Variants in TEK observed in about 807,000 individuals in gnomAD.
TEK encodes the protein TEK receptor tyrosine kinase.
A neutral mutation model predicts 131.8 loss-of-function variants in TEK; 43 were observed. The ratio of observed to expected loss-of-function variants is 0.33; its 90% CI spans 0.26 to 0.42. The LOEUF (loss-of-function observed/expected upper bound fraction) is 0.42, where lower values mean the gene tolerates loss of function less well. Ranked by LOEUF, TEK falls within the 10% of genes least tolerant of loss-of-function variation. The pLI is 1.00. For missense variants in TEK, 1,162 were observed against 1,384.4 expected (o/e 0.84, Z 2.55); for synonymous variants, 580 against 491.6 (o/e 1.18, Z -2.38).
intron 1 of TEK, among the ~76,000 whole-genome samples, chr9:27,117,094 T>A (rs1410826598): frequency 6.6e-6 from 1 of 151,990 alleles, no homozygotes; most frequent in Non-Finnish European, 1.5e-5. Flanking sequence ...CTCGATCTCC[T>A]GACCTAGTGA....
chr9:27,188,619 G>C (rs1824687755), intron 9 of TEK, among the ~76,000 whole-genome samples: 2 of 152,082 alleles, frequency 1.3e-5, no homozygotes, highest in South Asian at 4.1e-4. Flanking sequence ...CTTAATATTG[G>C]CATGATCTGC....
In TEK at chr9:27,155,573, A is replaced by G. The variant is rs1823302134; in HGVS notation, c.53-2258A>G. Reference sequence around the variant, plus strand: ...TCACTGAATACAGTAAACACTGGCAATTGCCATTAAAAACAAATTATATGA... The same window carrying G: ...TCACTGAATACAGTAAACACTGGCAGTTGCCATTAAAAACAAATTATATGA... On this transcript the variant is annotated intron_variant, in intron 1 of 22. Transcript: ENST00000380036. Among the ~76,000 whole-genome samples the G allele has an allele frequency of 3.3e-5, 5 of 152,356 alleles. No individual in the cohort carries two copies. In the South Asian group the frequency reaches 8.3e-4, roughly 25 times the overall value.
chr9:27,168,731 G>C, intron 3 of TEK, 126 bp downstream of exon 3: 3 of 761,888 alleles, frequency 3.9e-6, no homozygotes, highest in Non-Finnish European at 2.3e-6. Flanking sequence ...TATGATGCAA[G>C]CTTTCAAATT....
chr9:27,217,655 C>T (rs1349228816), intron 18 of TEK, 33 bp from the exon 19 acceptor site: 2 of 1,604,878 alleles, frequency 1.2e-6, no homozygotes, highest in East Asian at 4.5e-5. Flanking sequence ...GACCCTGTCC[C>T]AGTTAAGTGA....
At chr9:27,197,962 C>A (rs1056657622) in intron 12 of TEK, among the ~76,000 whole-genome samples, 4 of 152,086 alleles carry the variant, frequency 2.6e-5, no homozygotes, top group African/African-American at 9.7e-5. Flanking sequence ...ATGGGTCTTA[C>A]CTAACCATAA....
intron 6 of TEK, among the ~76,000 whole-genome samples, chr9:27,174,698 G>A (rs1480424473): frequency 6.6e-6 from 1 of 152,122 alleles, no homozygotes; most frequent in African/African-American, 2.4e-5. Context: ...ACCTCATTCA[G>A]TTCCCTCTAA....
At chr9:27,209,283 A>T (rs748263001) in intron 16 of TEK, 52 bp downstream of exon 16, 1 of 1,257,380 alleles carries the variant, frequency 8.0e-7, no homozygotes, top group Admixed American at 1.7e-5. Context: ...AAAACAGACA[A>T]ATTCCATATG....
At chr9:27,203,824 T>A (rs931922626) in intron 13 of TEK, among the ~76,000 whole-genome samples, 1 of 152,228 alleles carries the variant, frequency 6.6e-6, no homozygotes, top group Non-Finnish European at 1.5e-5. Context: ...TTTTGAAAAT[T>A]TATGATTTGG....
At chr9:27,220,494 G>GTATC (rs1826019607) in intron 21 of TEK, among the ~76,000 whole-genome samples, 3 of 151,118 alleles carry the variant, frequency 2.0e-5, no homozygotes, top group Admixed American at 6.6e-5. Flanking sequence ...TAATTAAGAA[G>GTATC]GATACATTTT....
chr9:27,183,605 C>G lies in TEK; in HGVS notation c.1177C>G (p.Leu393Val), dbSNP rs780173078. Residue 393 changes from leucine (L) to valine (V), a missense_variant, in exon 8 of 23, where the codon CTC becomes GTC. Physicochemically the swap from Leu to Val is conservative, Grantham distance 32. Transcript: ENST00000380036. ...MTLVKPDGTVLHPKDFNHTDH... is the reference protein window; with the variant it reads ...MTLVKPDGTVVHPKDFNHTDH... ...CCTGGTGAAGCCGGATGGGACAGTG[C>G]TCCATGTAAGAGCCATTCTTAATTT... 3 of 1,613,748 alleles carry G rather than the reference C, an allele frequency of 1.9e-6. No individual in the cohort carries two copies. Among genetic ancestry groups the G allele is most frequent in the African/African-American group, 2.7e-5 (2 of 74,880 alleles).
intron 6 of TEK, among the ~76,000 whole-genome samples, chr9:27,175,022 A>C (rs962342903): frequency 1.3e-5 from 2 of 149,998 alleles, no homozygotes; most frequent in African/African-American, 4.9e-5. Flanking sequence ...GTTTTAGGGT[A>C]CATGTGCACA....
intron 21 of TEK, among the ~76,000 whole-genome samples, chr9:27,224,887 C>G (rs996893916): frequency 2.0e-5 from 3 of 152,278 alleles, no homozygotes; most frequent in Admixed American, 1.3e-4. Context: ...TCTCTTTAAG[C>G]TGATAAGCAA....
chr9:27,205,532 C>A (rs1482615174), intron 14 of TEK, among the ~76,000 whole-genome samples: 1 of 152,172 alleles, frequency 6.6e-6, no homozygotes, highest in East Asian at 1.9e-4. Context: ...AATCTTATCA[C>A]CCCTCGTATG....
At chr9:27,137,730 G>A (rs1564052706) in intron 1 of TEK, among the ~76,000 whole-genome samples, 1 of 152,096 alleles carries the variant, frequency 6.6e-6, no homozygotes. Context: ...GATCCCAGAG[G>A]CTCACTATTG....
intron 4 of TEK, among the ~76,000 whole-genome samples, chr9:27,171,658 T>C (rs73425202): frequency 0.01 from 1,586 of 152,270 alleles, 24 homozygotes; most frequent in African/African-American, 0.036. Context: ...CCTATTTCCT[T>C]CTGGATGACT....
intron 21 of TEK, among the ~76,000 whole-genome samples, 180 bp from the exon 22 acceptor site, chr9:27,228,026 G>C (rs927312459): frequency 1.3e-5 from 2 of 152,252 alleles, no homozygotes; most frequent in South Asian, 4.1e-4. Context: ...AATCTATGAG[G>C]AGTTGAAATG....
At chr9:27,117,400 C>A (rs775365497) in intron 1 of TEK, among the ~76,000 whole-genome samples, 3 of 152,204 alleles carry the variant, frequency 2.0e-5, no homozygotes, top group Admixed American at 1.3e-4. Context: ...CCTATTCTTA[C>A]CCATCTGGCC....
In TEK at chr9:27,146,981, G is replaced by A. The variant is rs548274875; in HGVS notation, c.53-10850G>A. On this transcript the variant is annotated intron_variant, in intron 1 of 22. Coordinates refer to ENST00000380036, the MANE Select transcript of TEK (RefSeq NM_000459.5). ...CCTGACCTTGTGATCTGCCCGCCTC[G>A]GCCTCCCAAAGTGCTGGGATTACAG... Among the ~76,000 whole-genome samples the A allele has an allele frequency of 6.6e-5, 10 of 152,056 alleles. No homozygotes were observed. In the South Asian group the frequency reaches 1.9e-3, roughly 28 times the overall value.
Position 27,229,229 on chromosome 9 carries a change from C to T in TEK, c.3372C>T (p.Ala1124=), listed in dbSNP as rs763511697. 6 of 1,613,744 alleles carry T rather than the reference C, an allele frequency of 3.7e-6. No homozygotes were observed. Among genetic ancestry groups the T allele is most frequent in the Non-Finnish European group, 4.2e-6 (5 of 1,179,698 alleles). ...AGIDCSAEEA[A] is the part of the protein sequence containing the mutation. ...TTGACTGTTCTGCTGAAGAAGCGGC[C>T]TAGGACAGAACATCTGTATACCCTC... Residue 1124 remains alanine (A), a synonymous_variant, in exon 23 of 23, where the codon GCC becomes GCT. Transcript: ENST00000380036.
Sources: allele counts gnomAD v4.1 joint callset (sites outside exome capture counted in the v4.1 genomes callset), GRCh38; gene constraint gnomAD v4.1.1; transcripts MANE v1.5; gene names NCBI Gene and HGNC (gene_info 2026-07-23, HGNC 2026-07-21).